ADGRE5: variants seen among roughly 807,000 people sequenced by gnomAD.
ADGRE5 encodes the protein adhesion G protein-coupled receptor E5.
In ADGRE5, 72 loss-of-function variants were observed where a neutral mutation model predicts 100.3. The ratio of observed to expected loss-of-function variants is 0.72; its 90% CI spans 0.59 to 0.87. The LOEUF is 0.87. ADGRE5 is among the 40% of genes least tolerant of loss of function. ADGRE5 has a pLI of 0.00. For synonymous variants in ADGRE5, 439 were observed against 447.8 expected (o/e 0.98, Z 0.25); for missense variants, 959 against 1,094.7 (o/e 0.88, Z 1.75).
At chr19:14,389,421 AAGGAAGGG>A (rs111384816) in intron 3 of ADGRE5, among the ~76,000 whole-genome samples, 65,109 of 126,508 alleles carry the variant, frequency 0.51, 18,442 homozygotes, top group African/African-American at 0.75. Context: ...GGCAGGAAGG[AAGGAAGGG>A]AGGAAGGGAG....
rs1276249447 is a variant in ADGRE5, at chr19:14,406,241, C to T, written c.1822-90C>T. On this transcript the variant is annotated intron_variant, in intron 14 of 19. Coordinates refer to ENST00000242786, the MANE Select transcript of ADGRE5 (RefSeq NM_078481.4). This position sits in a 1 kb window ranked among gnomAD's most constrained non-coding sequence, Gnocchi z 6.0. Reference sequence around the variant, plus strand: ...CCCACCCTCCGGCTGTGGTCCCGCCCACTCTCGGGACCTGGCAGGCGACTG... The same window carrying T: ...CCCACCCTCCGGCTGTGGTCCCGCCTACTCTCGGGACCTGGCAGGCGACTG... 2 of 1,047,154 alleles carry T rather than the reference C, an allele frequency of 1.9e-6. No homozygotes were observed. Among genetic ancestry groups the T allele is most frequent in the Non-Finnish European group, 2.7e-6 (2 of 733,634 alleles). The allele number at this position is 1,047,154 out of a possible 1,614,324, so 64.9% of individuals were successfully genotyped here.
At position 14,408,364 on chromosome 19, in the gene ADGRE5, T is replaced by G; in HGVS notation, c.*243T>G. 1.6e-6 allele frequency: 1 copy of G among 616,716 alleles called. No individual in the cohort carries two copies. The highest frequency in any genetic ancestry group is 2.9e-6 in the Non-Finnish European group (1 of 344,042). The allele number at this position is 616,716 out of a possible 1,614,324, so 38.2% of individuals were successfully genotyped here. A position where few individuals can be genotyped will look rare whatever the true frequency, so the allele number is the denominator to read the frequency against. On this transcript the variant is annotated 3_prime_UTR_variant, in exon 20 of 20. Coordinates refer to ENST00000242786, the MANE Select transcript of ADGRE5 (RefSeq NM_078481.4). Reference sequence around the variant, plus strand: ...CTCTGCTCCACCTTGTGACCCAGGGTGGGGACAGGGGCTGGCCCAGGGCTG... The same window carrying G: ...CTCTGCTCCACCTTGTGACCCAGGGGGGGGACAGGGGCTGGCCCAGGGCTG...
Position 14,406,840 on chromosome 19 carries a change from CTCTAACCCACAA to C in ADGRE5, c.2116-25_2116-14del. 6.2e-7 allele frequency: 1 copy of C among 1,612,364 alleles called. No individual in the cohort carries two copies. Among genetic ancestry groups the C allele is most frequent in the South Asian group, 1.1e-5 (1 of 91,060 alleles). ...GCCCGGCTGGACCATCGCTCTCGCC[CTCTAACCCACAA>C]TCTGCTCCCTGCCCAGTGCAATGCT... On this transcript the variant is annotated splice_polypyrimidine_tract_variant and intron_variant, in intron 16 of 19. Coordinates refer to ENST00000242786, the MANE Select transcript of ADGRE5 (RefSeq NM_078481.4). This position sits in a 1 kb window ranked among gnomAD's most constrained non-coding sequence, Gnocchi z 6.0.
chr19:14,391,947 A>G (rs2094851982), intron 4 of ADGRE5, among the ~76,000 whole-genome samples: 1 of 151,180 alleles, frequency 6.6e-6, no homozygotes, highest in African/African-American at 2.4e-5. Context: ...AAATACAAAA[A>G]TTAGCCAGAC....
chr19:14,390,837 C>T (rs1454255714), intron 3 of ADGRE5, 87 bp from the exon 4 acceptor site: 1 of 1,510,038 alleles, frequency 6.6e-7, no homozygotes, highest in Non-Finnish European at 9.1e-7. Context: ...AAGCAGCAGG[C>T]CCCATGTTGG....
chr19:14,403,292 T>C (rs1015171579), intron 12 of ADGRE5, among the ~76,000 whole-genome samples: 1 of 152,152 alleles, frequency 6.6e-6, no homozygotes, highest in Admixed American at 6.6e-5. Flanking sequence ...TCTGCCCGCC[T>C]TGGCCTCTCA....
chr19:14,394,375 C>A lies in ADGRE5; in HGVS notation c.347-1967C>A, dbSNP rs79133932. 3.3e-3 allele frequency among the ~76,000 whole-genome samples: 499 copies of A among 152,116 alleles called. 7 individuals carry two copies. In the East Asian group the frequency reaches 0.04, roughly 12 times the overall value. On this transcript the variant is annotated intron_variant, in intron 4 of 19. Transcript: ENST00000242786. ...GCACCCAGTGTCACAGCCCATGGGG[C>A]CTGTGACATCCAGGCCAGAGACCTC...
intron 9 of ADGRE5, among the ~76,000 whole-genome samples, chr19:14,398,902 C>T (rs867968581): frequency 9.9e-5 from 15 of 151,406 alleles, no homozygotes; most frequent in African/African-American, 3.4e-4. Context: ...AGGGCTGTGA[C>T]ATGATCATGG....
chr19:14,399,311 C>G (rs1568315264), intron 9 of ADGRE5, among the ~76,000 whole-genome samples: 1 of 151,156 alleles, frequency 6.6e-6, no homozygotes, highest in Non-Finnish European at 1.5e-5. Context: ...GCCTGTAATC[C>G]CAGCACTTTG....
At position 14,405,833 on chromosome 19, in the gene ADGRE5, T is replaced by A; in HGVS notation, c.1715T>A (p.Val572Glu). ...LLLCILTFLL[V>E]RPIQGSRTTI... is the part of the protein sequence containing the mutation. ...CTGTGCATCCTCACTTTCCTGCTGG[T>A]GCGGCCCATCCAGGGCTCGCGCACC... The change falls in exon 14 of 20, where the codon GTG becomes GAG. Residue 572 changes from valine (V) to glutamate (E), a missense_variant. Coordinates refer to ENST00000242786, the MANE Select transcript of ADGRE5 (RefSeq NM_078481.4). 1 of 1,613,746 alleles carries A rather than the reference T, an allele frequency of 6.2e-7. No individual in the cohort carries two copies. The highest frequency in any genetic ancestry group is 8.5e-7 in the Non-Finnish European group (1 of 1,180,010).
At position 14,406,819 on chromosome 19, in the gene ADGRE5, G is replaced by A. The variant is rs1489273839; in HGVS notation, c.2116-50G>A. 15 of 1,611,530 alleles carry A rather than the reference G, an allele frequency of 9.3e-6. No homozygotes were observed. Among genetic ancestry groups the A allele is most frequent in the Admixed American group, 3.3e-5 (2 of 59,992 alleles). On this transcript the variant is annotated intron_variant, in intron 16 of 19. Coordinates refer to ENST00000242786, the MANE Select transcript of ADGRE5 (RefSeq NM_078481.4). This position sits in a 1 kb window ranked among gnomAD's most constrained non-coding sequence, Gnocchi z 6.0. ...GCCCGAGCGCCACAGGCCCAGGCCC[G>A]GCTGGACCATCGCTCTCGCCCTCTA...
intron 9 of ADGRE5, among the ~76,000 whole-genome samples, chr19:14,399,534 A>G (rs1320183576): frequency 2.3e-5 from 3 of 130,530 alleles, no homozygotes; most frequent in African/African-American, 8.7e-5. Context: ...ACTGCACTCC[A>G]GCCTGGGCGA....
chr19:14,401,133 G>A lies in ADGRE5; in HGVS notation c.898-253G>A, dbSNP rs1199809683. On this transcript the variant is annotated intron_variant, in intron 9 of 19. Transcript: ENST00000242786. The surrounding 1 kb of genome is among the most constrained non-coding windows in gnomAD (Gnocchi z 4.1). ...TGAGACCCTGTCTCAAAAAAAGAAA[G>A]AAAAAAGAACAGGAAATCAAAACAG... 6.6e-6 allele frequency among the ~76,000 whole-genome samples: 1 copy of A among 152,046 alleles called. No individual in the cohort carries two copies. Among genetic ancestry groups the A allele is most frequent in the Non-Finnish European group, 1.5e-5 (1 of 67,996 alleles).
Position 14,407,998 on chromosome 19 carries a change from A to G in ADGRE5, c.2467A>G (p.Asn823Asp). 1 of 1,614,186 alleles carries G rather than the reference A, an allele frequency of 6.2e-7. No homozygotes were observed. The highest frequency in any genetic ancestry group is 8.5e-7 in the Non-Finnish European group (1 of 1,180,028). ...FTSTTSGTGH[N>D]QTRALRASES... ...CTCCACCACGTCTGGCACTGGCCAC[A>G]ATCAGACCCGGGTAAGGGGCTGCGC... Residue 823 changes from asparagine to aspartate, a missense_variant, in exon 19 of 20, where the codon AAT (asparagine) becomes GAT (aspartate). Asn to Asp is a conservative substitution (Grantham distance 23). Transcript: ENST00000242786.
rs985336163 is a variant in ADGRE5 at position 14,408,352 on chromosome 19, T to C, written c.*231T>C. 1 of 623,036 alleles carries C rather than the reference T, an allele frequency of 1.6e-6. No homozygotes were observed. Among genetic ancestry groups the C allele is most frequent in the Non-Finnish European group, 2.9e-6 (1 of 347,456 alleles). 38.6% of individuals were successfully genotyped at this position (623,036 alleles called of 1,614,324 possible). On this transcript the variant is annotated 3_prime_UTR_variant, in exon 20 of 20. Transcript: ENST00000242786. ...TGCTGGCTGCCTCTCTGCTCCACCT[T>C]GTGACCCAGGGTGGGGACAGGGGCT...
rs2146378756 is a variant in ADGRE5, at chr19:14,406,925, A to G, written c.2172A>G (p.Glu724=). The change falls in exon 17 of 20, where the codon GAA becomes GAG. Residue 724 remains glutamate (E), a synonymous_variant. Transcript: ENST00000242786. The surrounding 1 kb of genome is among the most constrained non-coding windows in gnomAD (Gnocchi z 6.0). ...GGAAGCTCACTCAGAAGTTTTCTGA[A>G]ATCAATCCAGACATGAAGAAATTAA... The part of the protein sequence containing the change: ...TVWKLTQKFS[E]INPDMKKLKK... 2 of 1,614,154 alleles carry G rather than the reference A, an allele frequency of 1.2e-6. No individual in the cohort carries two copies. The highest frequency in any genetic ancestry group is 1.3e-5 in the African/African-American group (1 of 75,058).
intron 4 of ADGRE5, among the ~76,000 whole-genome samples, chr19:14,395,618 T>A (rs1975748709): frequency 1.3e-5 from 2 of 152,234 alleles, no homozygotes; most frequent in Non-Finnish European, 2.9e-5. Context: ...TGCTTAGATA[T>A]GGATTCTCAC....
At chr19:14,391,359 ATG>A (rs1440690555) in intron 4 of ADGRE5, 5 of 471,356 alleles carry the variant, frequency 1.1e-5, no homozygotes, top group Non-Finnish European at 1.2e-5. Flanking sequence ...CACATGTGAG[ATG>A]TGATAACGTT....
At chr19:14,393,201 A>T (rs1174200904) in intron 4 of ADGRE5, among the ~76,000 whole-genome samples, 1 of 25,172 alleles carries the variant, frequency 4.0e-5, no homozygotes, top group Non-Finnish European at 6.5e-5. Context: ...ACTCCATCTA[A>T]AAAAAAAAAA....
Sources: allele counts gnomAD v4.1 joint callset (sites outside exome capture counted in the v4.1 genomes callset), GRCh38; gene constraint gnomAD v4.1.1; non-coding constraint Gnocchi (gnomAD v3.1); transcripts MANE v1.5; gene names NCBI Gene and HGNC (gene_info 2026-07-23, HGNC 2026-07-21).